GPC5: variants seen among roughly 807,000 people sequenced by gnomAD.
The protein encoded by GPC5 is glypican 5.
Under a neutral mutation model 53.9 loss-of-function variants are expected in GPC5, and 47 were observed. The observed-to-expected ratio is 0.87, with a 90% CI of 0.69 to 1.11. The LOEUF is 1.11. Among genes scored for constraint, GPC5 ranks in the 50% most tolerant of loss-of-function variants. The pLI, the probability that GPC5 is intolerant of heterozygous loss-of-function variation, is 0.00. For synonymous variants in GPC5, 286 were observed against 263.3 expected (o/e 1.09, Z -0.84); for missense variants, 748 against 713.1 (o/e 1.05, Z -0.56).
intron 5 of GPC5, among the ~76,000 whole-genome samples, chr13:91,810,789 A>G (rs2038298961): frequency 6.6e-6 from 1 of 151,940 alleles, no homozygotes; most frequent in African/African-American, 2.4e-5. Flanking sequence ...ACCAGATGTT[A>G]TAGTAAAACA....
At chr13:92,418,594 T>C in intron 7 of GPC5, among the ~76,000 whole-genome samples, 1 of 152,300 alleles carries the variant, frequency 6.6e-6, no homozygotes, top group South Asian at 2.1e-4. Context: ...TTACAATATA[T>C]GTAAGGTTAT....
At chr13:92,643,144 G>T (rs1195997184) in intron 7 of GPC5, among the ~76,000 whole-genome samples, 1 of 152,050 alleles carries the variant, frequency 6.6e-6, no homozygotes, top group East Asian at 1.9e-4. Flanking sequence ...AGATGAGGAG[G>T]TTGCGAAAAT....
At chr13:91,700,572 A>G (rs1160096606) in intron 3 of GPC5, among the ~76,000 whole-genome samples, 1 of 152,190 alleles carries the variant, frequency 6.6e-6, no homozygotes, top group African/African-American at 2.4e-5. Context: ...GTGAAGGATT[A>G]TATGTGTAAT....
chr13:92,316,966 A>G (rs2043183581), intron 7 of GPC5, among the ~76,000 whole-genome samples: 1 of 152,200 alleles, frequency 6.6e-6, no homozygotes. Context: ...ATGAACTGTT[A>G]TCTTTTCTCT....
chr13:92,415,675 G>GT (rs969061922), intron 7 of GPC5, among the ~76,000 whole-genome samples: 2 of 103,638 alleles, frequency 1.9e-5, no homozygotes, highest in African/African-American at 6.8e-5. Flanking sequence ...CCAGCTGGAG[G>GT]TAAAAAAAAA....
chr13:91,506,084 T>G (rs1594181838), intron 2 of GPC5, among the ~76,000 whole-genome samples: 2 of 152,110 alleles, frequency 1.3e-5, no homozygotes, highest in Admixed American at 1.3e-4. Flanking sequence ...GGGGGAAAAT[T>G]AAGGATCAGA....
chr13:91,432,017 C>G (rs1879487722), intron 1 of GPC5, among the ~76,000 whole-genome samples: 1 of 152,036 alleles, frequency 6.6e-6, no homozygotes, highest in African/African-American at 2.4e-5. Context: ...AGGAGCTGTG[C>G]CATGTGGGTA....
chr13:91,783,772 A>G (rs1236651482), intron 5 of GPC5, among the ~76,000 whole-genome samples: 4 of 152,004 alleles, frequency 2.6e-5, no homozygotes, highest in African/African-American at 9.7e-5. Flanking sequence ...CATAACCAAC[A>G]TTTTCCCCTT....
intron 3 of GPC5, among the ~76,000 whole-genome samples, chr13:91,721,828 C>T (rs2036481123): frequency 1.3e-5 from 2 of 152,122 alleles, no homozygotes. Context: ...GTATTTAAAC[C>T]AATTGACCAC....
chr13:92,028,396 G>C (rs2040816533), intron 6 of GPC5, among the ~76,000 whole-genome samples: 1 of 152,118 alleles, frequency 6.6e-6, no homozygotes, highest in South Asian at 2.1e-4. Context: ...ACTTCTGTTA[G>C]AGTGTTGTGC....
At chr13:92,180,299 T>A (rs1229701331) in intron 7 of GPC5, among the ~76,000 whole-genome samples, 1 of 152,228 alleles carries the variant, frequency 6.6e-6, no homozygotes, top group Non-Finnish European at 1.5e-5. Flanking sequence ...CACAAGAAAT[T>A]CCATAATCTT....
chr13:92,677,236 C>T (rs1306254967), intron 7 of GPC5, among the ~76,000 whole-genome samples: 2 of 151,966 alleles, frequency 1.3e-5, no homozygotes, highest in Non-Finnish European at 2.9e-5. Context: ...TTTTCAAGAC[C>T]CAACATATTT....
At chr13:92,049,110 G>A (rs2138835644) in intron 6 of GPC5, among the ~76,000 whole-genome samples, 1 of 152,076 alleles carries the variant, frequency 6.6e-6, no homozygotes, top group Middle Eastern at 3.4e-3. Flanking sequence ...AGTCACGGAG[G>A]GATAGCTTAT....
intron 7 of GPC5, among the ~76,000 whole-genome samples, chr13:92,345,132 T>C (rs1324286233): frequency 6.6e-6 from 1 of 152,088 alleles, no homozygotes; most frequent in Non-Finnish European, 1.5e-5. Context: ...AGAATAATTA[T>C]GATCCATGAA....
intron 5 of GPC5, among the ~76,000 whole-genome samples, chr13:91,848,881 G>A (rs976925791): frequency 6.6e-6 from 1 of 152,086 alleles, no homozygotes; most frequent in Non-Finnish European, 1.5e-5. Context: ...TAAAAAATCA[G>A]ATATTCCTGA....
Position 91,923,027 on chromosome 13 carries a change from TTG to T in GPC5, c.1401+14972_1401+14973del, listed in dbSNP as rs1421754300. Among the ~76,000 whole-genome samples the T allele has an allele frequency of 2.0e-5, 3 of 152,194 alleles. No individual in the cohort carries two copies. In the East Asian group the frequency reaches 5.8e-4, roughly 29 times the overall value. ...TTCCGGTAAACCAGATTTTCTATTCTTGTTATCTATTATTTTTAAAACCAGGT... is the reference window on the plus strand; with the variant it reads ...TTCCGGTAAACCAGATTTTCTATTCTTTATCTATTATTTTTAAAACCAGGT... On this transcript the variant is annotated intron_variant, in intron 6 of 7. Coordinates refer to ENST00000377067, the MANE Select transcript of GPC5 (RefSeq NM_004466.6).
chr13:91,848,562 T>C (rs1236638418), intron 5 of GPC5, among the ~76,000 whole-genome samples: 3 of 151,886 alleles, frequency 2.0e-5, no homozygotes, highest in Admixed American at 1.3e-4. Flanking sequence ...AAACTGGAAA[T>C]AGAGGAGAAA....
intron 2 of GPC5, among the ~76,000 whole-genome samples, chr13:91,665,054 A>C (rs2035075097): frequency 6.6e-6 from 1 of 152,252 alleles, no homozygotes; most frequent in African/African-American, 2.4e-5. Context: ...TGGTTTCAAG[A>C]ACAAATATTA....
At chr13:92,156,356 G>A (rs2041945066) in intron 7 of GPC5, among the ~76,000 whole-genome samples, 2 of 152,114 alleles carry the variant, frequency 1.3e-5, no homozygotes, top group African/African-American at 4.8e-5. Context: ...CCCATTATTA[G>A]TGTGGGCATA....
Sources: gnomAD v4.1 joint callset for allele counts (sites outside exome capture counted in the v4.1 genomes callset) on GRCh38, gnomAD v4.1.1 for gene constraint, MANE v1.5 for transcripts, NCBI Gene and HGNC (gene_info 2026-07-23, HGNC 2026-07-21) for gene names.